Variants in BCL9 observed in about 807,000 individuals in gnomAD.
BCL9 encodes BCL9 transcription coactivator, also known as B-cell CLL/lymphoma 9 protein.
BCL9 carries 25 observed loss-of-function variants against 88.5 expected under a neutral mutation model. The observed-to-expected ratio is 0.28, with a 90% confidence interval of 0.21 to 0.39. The LOEUF is 0.39. Among genes scored for constraint, BCL9 ranks in the 10% least tolerant of loss-of-function variants. The pLI is 1.00. For synonymous variants in BCL9, 711 were observed against 673.3 expected (o/e 1.06, Z -0.87); for missense variants, 1,817 against 1,877.8 (o/e 0.97, Z 0.60).
At chr1:147,621,559 C>T (rs1553205411) in intron 8 of BCL9, among the ~76,000 whole-genome samples, 1 of 152,172 alleles carries the variant, frequency 6.6e-6, no homozygotes. Flanking sequence ...AGATCAGCTA[C>T]AATTTAGGAG....
intron 1 of BCL9, among the ~76,000 whole-genome samples, chr1:147,581,457 G>C (rs782492631): frequency 6.6e-6 from 1 of 152,202 alleles, no homozygotes; most frequent in Admixed American, 6.5e-5. Context: ...ACTTGGAAGA[G>C]AGAAGTCATA....
At chr1:147,566,581 C>A (rs1365916320) in intron 1 of BCL9, among the ~76,000 whole-genome samples, 1 of 151,918 alleles carries the variant, frequency 6.6e-6, no homozygotes, top group African/African-American at 2.4e-5. Flanking sequence ...ACGGTGAAAC[C>A]CTGTCTCTAC....
chr1:147,622,746 G>A (rs1187807322), intron 9 of BCL9, among the ~76,000 whole-genome samples: 1 of 152,158 alleles, frequency 6.6e-6, no homozygotes, highest in Non-Finnish European at 1.5e-5. Flanking sequence ...AAGAAAGCAG[G>A]TTTCTTTATA....
chr1:147,603,188 G>A (rs1245823250), intron 1 of BCL9, among the ~76,000 whole-genome samples: 1 of 152,188 alleles, frequency 6.6e-6, no homozygotes, highest in African/African-American at 2.4e-5. Flanking sequence ...GGAGTATCTT[G>A]TACATCTGTC....
intron 1 of BCL9, among the ~76,000 whole-genome samples, chr1:147,586,366 T>C (rs1387416807): frequency 3.3e-5 from 5 of 152,130 alleles, no homozygotes; most frequent in African/African-American, 1.2e-4. Flanking sequence ...ACACTTTCCA[T>C]CCTAAGTTCT....
chr1:147,562,290 T>C (rs1553196202), intron 1 of BCL9, among the ~76,000 whole-genome samples: 1 of 151,960 alleles, frequency 6.6e-6, no homozygotes. Flanking sequence ...GATCTCACCA[T>C]TGCACTCCAG....
chr1:147,566,397 C>A (rs1655595999), intron 1 of BCL9, among the ~76,000 whole-genome samples: 1 of 152,042 alleles, frequency 6.6e-6, no homozygotes, highest in South Asian at 2.1e-4. Context: ...CAGGGGACCC[C>A]CCTGAAGAAA....
At chr1:147,548,033 C>CA (rs1553194435) in intron 1 of BCL9, among the ~76,000 whole-genome samples, 1 of 152,128 alleles carries the variant, frequency 6.6e-6, no homozygotes, top group Admixed American at 6.6e-5. Flanking sequence ...GAAAAATACG[C>CA]AAATTCAAAA....
At chr1:147,554,704 C>T (rs1342237642) in intron 1 of BCL9, among the ~76,000 whole-genome samples, 1 of 152,188 alleles carries the variant, frequency 6.6e-6, no homozygotes, top group African/African-American at 2.4e-5. Context: ...TGTTTATTGT[C>T]TGCGCAACCT....
chr1:147,559,245 C>A (rs1477953453), intron 1 of BCL9, among the ~76,000 whole-genome samples: 4 of 145,194 alleles, frequency 2.8e-5, no homozygotes, highest in African/African-American at 1.0e-4. Context: ...AAAGTATTTT[C>A]TATAGTTTTA....
Position 147,614,521 on chromosome 1 carries a change from C to G in BCL9, c.465C>G (p.Thr155=), listed in dbSNP as rs147212054. 1 of 1,613,890 alleles carries G rather than the reference C, an allele frequency of 6.2e-7. No individual in the cohort carries two copies. Reference sequence around the variant, plus strand: ...ATGCTACAGCCCCCAGGTCTTCTACCCCCTCCCATGGCCAAACTACTGCCA... The same window carrying G: ...ATGCTACAGCCCCCAGGTCTTCTACGCCCTCCCATGGCCAAACTACTGCCA... ...PSNATAPRSS[T]PSHGQTTATE... Residue 155 remains threonine, a synonymous_variant, in exon 6 of 10, where the codon ACC becomes ACG. Coordinates refer to ENST00000234739, the MANE Select transcript of BCL9 (RefSeq NM_004326.4).
chr1:147,620,931 C>T lies in BCL9; in HGVS notation c.2776C>T (p.Leu926Phe), dbSNP rs919637786. The T allele has an allele frequency of 3.7e-6, 6 of 1,614,094 alleles. No homozygotes were observed. The Admixed American group carries it at 1.0e-4, about 27-fold the overall frequency. ...ACCTGTCCACCTCAAGTCTCCATCACTTCCTGCCCCGTCACCTGGATGGAC... is the reference window on the plus strand; with the variant it reads ...ACCTGTCCACCTCAAGTCTCCATCATTTCCTGCCCCGTCACCTGGATGGAC... The part of the protein sequence containing the change: ...ASPVHLKSPS[L>F]PAPSPGWTSS... Residue 926 changes from leucine to phenylalanine, a missense_variant, in exon 8 of 10, where the codon CTT becomes TTT. Leu to Phe is a conservative substitution (Grantham distance 22, BLOSUM62 0). Coordinates refer to ENST00000234739, the MANE Select transcript of BCL9 (RefSeq NM_004326.4).
chr1:147,604,173 A>C (rs114966499), intron 1 of BCL9, among the ~76,000 whole-genome samples: 2,755 of 152,286 alleles, frequency 0.018, 45 homozygotes, highest in Non-Finnish European at 0.03. Flanking sequence ...AGGCCATGCA[A>C]ATTTTTACTT....
At chr1:147,570,448 C>T (rs1350030810) in intron 1 of BCL9, among the ~76,000 whole-genome samples, 2 of 152,080 alleles carry the variant, frequency 1.3e-5, no homozygotes, top group African/African-American at 2.4e-5. Flanking sequence ...CATTTGTGAC[C>T]TTGGCGAAAG....
At position 147,622,355 on chromosome 1, in the gene BCL9, C is replaced by T. The variant is rs1557863796; in HGVS notation, c.2987C>T (p.Pro996Leu). The T allele has an allele frequency of 1.2e-6, 2 of 1,614,204 alleles. No homozygotes were observed. The highest frequency in any genetic ancestry group is 1.7e-6 in the Non-Finnish European group (2 of 1,180,042). Residue 996 changes from proline to leucine, a missense_variant, in exon 9 of 10, where the codon CCT becomes CTT. Around this residue, in one of 2 missense-constraint regions of BCL9, gnomAD observed 589 missense variants for 686.2 expected, o/e 0.86. Transcript: ENST00000234739. Reference protein sequence around the residue: ...SLPSSTPYTMPPEPTLSQNPL... With the variant: ...SLPSSTPYTMLPEPTLSQNPL... The stretch of plus-strand genomic sequence containing the variant: ...CCCTCTAGTACACCTTATACCATGC[C>T]TCCAGAGCCAACCCTTTCCCAGAAC...
At chr1:147,562,891 G>A (rs898732327) in intron 1 of BCL9, among the ~76,000 whole-genome samples, 2 of 152,178 alleles carry the variant, frequency 1.3e-5, no homozygotes, top group Non-Finnish European at 2.9e-5. Flanking sequence ...CCCTTACCAT[G>A]GCGTGGTGGA....
chr1:147,561,071 A>T (rs1476636919), intron 1 of BCL9, among the ~76,000 whole-genome samples: 2 of 152,216 alleles, frequency 1.3e-5, no homozygotes, highest in African/African-American at 4.8e-5. Flanking sequence ...TCCAAAGCAA[A>T]GTCACTTAAG....
chr1:147,599,581 G>A (rs1279956733), intron 1 of BCL9, among the ~76,000 whole-genome samples: 3 of 152,000 alleles, frequency 2.0e-5, no homozygotes, highest in Non-Finnish European at 4.4e-5. Context: ...GGGAAGAGGA[G>A]ACCCTCCCGT....
intron 1 of BCL9, among the ~76,000 whole-genome samples, chr1:147,552,939 C>T (rs587680102): frequency 3.0e-4 from 45 of 151,578 alleles, no homozygotes; most frequent in African/African-American, 1.0e-3. Flanking sequence ...TATTCATCTA[C>T]TCTTTGAGAT....
Sources: gnomAD v4.1 joint callset for allele counts (sites outside exome capture counted in the v4.1 genomes callset) on GRCh38, gnomAD v4.1.1 for gene constraint, gnomAD v4.1.1 regional missense constraint, MANE v1.5 for transcripts, NCBI Gene and HGNC (gene_info 2026-07-23, HGNC 2026-07-21) for gene names.